Variants in CDK5RAP2 observed in about 807,000 individuals in gnomAD.
The protein encoded by CDK5RAP2 is CDK5 regulatory subunit associated protein 2.
CDK5RAP2 carries 147 observed loss-of-function variants against 232.9 expected under a neutral mutation model. That is an observed-to-expected ratio of 0.63 (90% CI 0.55 to 0.72). The LOEUF (loss-of-function observed/expected upper bound fraction) is 0.72. CDK5RAP2 is among the 30% of genes least tolerant of loss of function. The pLI, the probability that CDK5RAP2 is intolerant of heterozygous loss-of-function variation, is 0.00. For missense variants in CDK5RAP2, 2,195 were observed against 2,231.5 expected (o/e 0.98, Z 0.33); for synonymous variants, 833 against 833.7 (o/e 1.00, Z 0.01).
intron 5 of CDK5RAP2, among the ~76,000 whole-genome samples, chr9:120,542,239 C>T (rs931890808): frequency 2.6e-5 from 4 of 152,222 alleles, no homozygotes; most frequent in African/African-American, 7.2e-5. Context: ...CATGGTGGCT[C>T]ATGCTTGTAA....
chr9:120,561,305 AT>A (rs199984383), intron 3 of CDK5RAP2, among the ~76,000 whole-genome samples: 7 of 150,604 alleles, frequency 4.6e-5, no homozygotes, highest in African/African-American at 1.7e-4. Flanking sequence ...AAATAACAGA[AT>A]TTTTTTTTTA....
intron 12 of CDK5RAP2, among the ~76,000 whole-genome samples, chr9:120,496,893 A>G (rs1443883229): frequency 1.4e-5 from 2 of 139,992 alleles, no homozygotes; most frequent in Admixed American, 6.8e-5. Context: ...CCCGGCCACC[A>G]CCCTGTCTGG....
At chr9:120,555,017 G>A (rs1367650652) in intron 3 of CDK5RAP2, among the ~76,000 whole-genome samples, 3 of 150,980 alleles carry the variant, frequency 2.0e-5, no homozygotes, top group Non-Finnish European at 4.4e-5. Context: ...CAACAATCTT[G>A]AAATGAATGG....
At chr9:120,539,241 G>A (rs1024448433) in intron 5 of CDK5RAP2, 77 bp from the exon 6 acceptor site, 3 of 1,574,030 alleles carry the variant, frequency 1.9e-6, no homozygotes, top group Non-Finnish European at 2.6e-6. Context: ...AAGAGACAAG[G>A]AGTATTTGCT....
chr9:120,491,383 T>C lies in CDK5RAP2; in HGVS notation c.1406A>G (p.Asn469Ser), dbSNP rs754779136. The stretch of plus-strand genomic sequence containing the variant: ...TTGCTCTTGATTGTGCAATTTTTTA[T>C]TGCTTTCACTCAGAAGACTCTTGTA... ...NRYKSLLSES[N>S]KKLHNQEQVI... Residue 469 changes from asparagine to serine, a missense_variant, in exon 13 of 38, where the codon AAT (asparagine) becomes AGT (serine). By Grantham distance (46) the Asn-to-Ser change is conservative (BLOSUM62 1). Transcript: ENST00000349780. 6.2e-7 allele frequency: 1 copy of C among 1,612,832 alleles called. No individual in the cohort carries two copies. The highest frequency in any genetic ancestry group is 1.7e-5 in the Admixed American group (1 of 60,008).
chr9:120,436,316 A>G (rs1467144434), intron 25 of CDK5RAP2, among the ~76,000 whole-genome samples: 2 of 152,220 alleles, frequency 1.3e-5, no homozygotes, highest in Non-Finnish European at 2.9e-5. Flanking sequence ...GAACTATTGA[A>G]GTATGTTCAC....
intron 22 of CDK5RAP2, among the ~76,000 whole-genome samples, chr9:120,446,928 G>A (rs775270898): frequency 1.3e-4 from 20 of 151,916 alleles, no homozygotes; most frequent in Non-Finnish European, 1.8e-4. Flanking sequence ...TCTTTTCCAC[G>A]GCATTTATTT....
intron 25 of CDK5RAP2, among the ~76,000 whole-genome samples, chr9:120,432,943 A>G (rs2035368471): frequency 6.6e-6 from 1 of 152,192 alleles, no homozygotes. Flanking sequence ...AATGAAAACT[A>G]GCTTATTTAG....
chr9:120,413,816 A>AG (rs1554731777), intron 28 of CDK5RAP2, among the ~76,000 whole-genome samples: 1 of 122,226 alleles, frequency 8.2e-6, no homozygotes, highest in Non-Finnish European at 1.6e-5. Context: ...GCGAGGAGGG[A>AG]GGAGGGAGGA....
intron 18 of CDK5RAP2, among the ~76,000 whole-genome samples, chr9:120,467,000 T>C (rs2037416017): frequency 6.6e-6 from 1 of 152,172 alleles, no homozygotes; most frequent in Non-Finnish European, 1.5e-5. Flanking sequence ...GAAACAATGC[T>C]AACATGCGCA....
At chr9:120,525,190 G>A in intron 10 of CDK5RAP2, 112 bp from the exon 11 acceptor site, 1 of 835,198 alleles carries the variant, frequency 1.2e-6, no homozygotes, top group Non-Finnish European at 2.0e-6. Flanking sequence ...GGGCTTTGTA[G>A]TCAGAAGAGA....
chr9:120,471,573 T>G (rs1421374459), intron 16 of CDK5RAP2, among the ~76,000 whole-genome samples, 175 bp downstream of exon 16: 1 of 152,162 alleles, frequency 6.6e-6, no homozygotes, highest in Non-Finnish European at 1.5e-5. Context: ...TAGTACAACT[T>G]ACTGGGCTCT....
intron 25 of CDK5RAP2, among the ~76,000 whole-genome samples, chr9:120,426,769 C>T (rs2034930553): frequency 6.6e-6 from 1 of 152,112 alleles, no homozygotes; most frequent in Non-Finnish European, 1.5e-5. Flanking sequence ...TTTTGGGGTA[C>T]AATACTTTGA....
intron 14 of CDK5RAP2, among the ~76,000 whole-genome samples, chr9:120,482,745 T>C (rs1194327729): frequency 6.6e-6 from 1 of 152,078 alleles, no homozygotes; most frequent in Admixed American, 6.6e-5. Context: ...ATTAAGTAGG[T>C]AAGAGGGGAA....
chr9:120,396,573 G>A (rs1228473897), intron 35 of CDK5RAP2, among the ~76,000 whole-genome samples: 1 of 152,110 alleles, frequency 6.6e-6, no homozygotes, highest in East Asian at 1.9e-4. Flanking sequence ...GGTGCCCCGG[G>A]GCTCAGTGTC....
At chr9:120,405,197 C>T (rs2033351565) in intron 32 of CDK5RAP2, among the ~76,000 whole-genome samples, 1 of 152,194 alleles carries the variant, frequency 6.6e-6, no homozygotes, top group South Asian at 2.1e-4. Context: ...AAGACATCAG[C>T]CTTTAGAACA....
intron 25 of CDK5RAP2, among the ~76,000 whole-genome samples, chr9:120,430,870 C>T (rs1190666678): frequency 6.6e-6 from 1 of 152,126 alleles, no homozygotes; most frequent in Non-Finnish European, 1.5e-5. Flanking sequence ...CCCAAATGTC[C>T]AACAATGATA....
rs79350391 is a variant in CDK5RAP2 at position 120,541,480 on chromosome 9, G to C, written c.384-2316C>G. ...CAATAAAATTTATACTCAGTAGTAT[G>C]GTACAATTTTCCTCTACTAATGGAA... On this transcript the variant is annotated intron_variant, in intron 5 of 37. Coordinates refer to ENST00000349780, the MANE Select transcript of CDK5RAP2 (RefSeq NM_018249.6). 1.6e-3 allele frequency among the ~76,000 whole-genome samples: 237 copies of C among 152,162 alleles called. 7 individuals carry two copies. In the East Asian group the frequency reaches 0.038, roughly 25 times the overall value.
In CDK5RAP2 at chr9:120,525,059, T is replaced by A. The variant is rs1372109813; in HGVS notation, c.1019A>T (p.Glu340Val). ...KEKKVEELNS[E>V]IEKLSAAFAK... ...AAAGGCAGCACTGAGCTTTTCAATT[T>A]CAGAGTTAAGTTCTTCAACCTGGGG... is the stretch of plus-strand genomic sequence containing the variant. The change falls in exon 11 of 38, where the codon GAA (glutamate) becomes GTA (valine). Residue 340 changes from glutamate to valine, a missense_variant. By Grantham distance (121) the Glu-to-Val change is moderately radical. Transcript: ENST00000349780. 1 of 1,613,928 alleles carries A rather than the reference T, an allele frequency of 6.2e-7. No homozygotes were observed. Among genetic ancestry groups the A allele is most frequent in the Non-Finnish European group, 8.5e-7 (1 of 1,179,928 alleles).
Sources: allele counts gnomAD v4.1 joint callset (sites outside exome capture counted in the v4.1 genomes callset), GRCh38; gene constraint gnomAD v4.1.1; transcripts MANE v1.5; gene names NCBI Gene and HGNC (gene_info 2026-07-23, HGNC 2026-07-21).